The following SLC22A14 variants were observed in gnomAD, a reference collection of about 807,000 sequenced individuals.
SLC22A14 encodes organic cation transporter-like 4.
SLC22A14 carries 50 observed loss-of-function variants against 53.9 expected under a neutral mutation model. That is an observed-to-expected ratio of 0.93 (90% CI 0.74 to 1.17). The LOEUF (loss-of-function observed/expected upper bound fraction) is 1.17, where lower values mean the gene tolerates loss of function less well. Among genes scored for constraint, SLC22A14 ranks in the 50% most tolerant of loss-of-function variants. The pLI, the probability that SLC22A14 is intolerant of heterozygous loss-of-function variation, is 0.00. For missense variants in SLC22A14, 671 were observed against 734.7 expected (o/e 0.91, Z 1.00); for synonymous variants, 312 against 303.0 (o/e 1.03, Z -0.31).
chr3:38,313,681 T>TGTGTGTGTGC (rs1553644838), intron 7 of SLC22A14, 46 bp from the exon 8 acceptor site: 36 of 751,114 alleles, frequency 4.8e-5, no homozygotes, highest in South Asian at 8.2e-5. Context: ...TGGCTCCGTG[T>TGTGTGTGTGC]GTGTGCGCGC....
chr3:38,279,529 C>T (rs1200916558), upstream of SLC22A14, among the ~76,000 whole-genome samples: 2 of 152,220 alleles, frequency 1.3e-5, no homozygotes, highest in East Asian at 3.8e-4. Context: ...GATCCGCCCA[C>T]CTCGGCCTCC....
At chr3:38,291,314 G>A (rs993316383) in intron 1 of SLC22A14, among the ~76,000 whole-genome samples, 1 of 152,204 alleles carries the variant, frequency 6.6e-6, no homozygotes, top group African/African-American at 2.4e-5. Flanking sequence ...GTAGGTTTGA[G>A]CAATCACCTG....
chr3:38,291,919 A>G (rs1703922028), intron 1 of SLC22A14, among the ~76,000 whole-genome samples: 2 of 152,124 alleles, frequency 1.3e-5, no homozygotes, highest in South Asian at 2.1e-4. Flanking sequence ...ATGCCAAGGA[A>G]CTCCCTTAGT....
intron 1 of SLC22A14, among the ~76,000 whole-genome samples, chr3:38,301,767 GA>G (rs1639141401): frequency 6.6e-6 from 1 of 150,806 alleles, no homozygotes; most frequent in Admixed American, 6.6e-5. Context: ...TTGTGGAGGG[GA>G]TAGTTTTTTC....
intron 1 of SLC22A14, among the ~76,000 whole-genome samples, chr3:38,287,683 G>A (rs1332458692): frequency 6.6e-6 from 1 of 151,914 alleles, no homozygotes; most frequent in Non-Finnish European, 1.5e-5. Flanking sequence ...AATTTTCTTA[G>A]GTATTTATGC....
At position 38,313,457 on chromosome 3, in the gene SLC22A14, A is replaced by T. The variant is rs780405742; in HGVS notation, c.1135A>T (p.Lys379Ter). 4 of 1,613,420 alleles carry T rather than the reference A, an allele frequency of 2.5e-6. No homozygotes were observed. The Admixed American group carries it at 6.7e-5, about 27-fold the overall frequency. The change falls in exon 7 of 11, where the codon AAG becomes TAG. Residue 379 changes from lysine to a stop codon, truncating the protein, a stop_gained. Transcript: ENST00000448498. LOFTEE classifies it high-confidence loss of function. Reference protein sequence around the residue: ...LDFCKNRQLCKVTLVMSCVWF... With the variant: ...LDFCKNRQLC ...CTTCTGTAAGAATAGGCAGCTCTGC[A>T]AGGTGACCTTGGTGATGAGCTGTGT...
rs1355755622 is a variant in SLC22A14, at chr3:38,304,657, C to CA, written c.1-1369dup. ...TCTACCTGCCTGCACCTGCTTCTAA[C>CA]AGGAGACTGCTGAGGCTCTTCATTA... On this transcript the variant is annotated intron_variant, in intron 1 of 10. Coordinates refer to ENST00000448498, the MANE Select transcript of SLC22A14 (RefSeq NM_001320033.2). Among the ~76,000 whole-genome samples, 3 of 152,318 alleles carry CA rather than the reference C, an allele frequency of 2.0e-5. No individual in the cohort carries two copies. The East Asian group carries it at 5.8e-4, about 29-fold the overall frequency.
intron 1 of SLC22A14, among the ~76,000 whole-genome samples, chr3:38,298,469 T>C (rs1704089529): frequency 6.6e-6 from 1 of 150,466 alleles, no homozygotes; most frequent in South Asian, 2.1e-4. Context: ...TATCTATCTA[T>C]CTATCTAATC....
chr3:38,296,806 G>A (rs1197112390), intron 1 of SLC22A14, among the ~76,000 whole-genome samples: 1 of 152,210 alleles, frequency 6.6e-6, no homozygotes, highest in Non-Finnish European at 1.5e-5. Flanking sequence ...ACTTAGCTGT[G>A]CAGGAACAAT....
intron 1 of SLC22A14, chr3:38,305,771 T>C: frequency 2.0e-6 from 1 of 498,226 alleles, no homozygotes; most frequent in Non-Finnish European, 3.5e-6. Context: ...AACTTAGTCC[T>C]TCATGACAAC....
At chr3:38,315,845 A>T in intron 9 of SLC22A14, 134 bp downstream of exon 9, 2 of 921,302 alleles carry the variant, frequency 2.2e-6, no homozygotes, top group Non-Finnish European at 3.3e-6. Flanking sequence ...AAGTGATCTC[A>T]TTTAAACACC....
At chr3:38,301,115 G>A (rs140535035) in intron 1 of SLC22A14, among the ~76,000 whole-genome samples, 1 of 152,174 alleles carries the variant, frequency 6.6e-6, no homozygotes, top group African/African-American at 2.4e-5. Context: ...CACTGCACCT[G>A]GCCTCAAACA....
chr3:38,291,818 G>A (rs1037170860), intron 1 of SLC22A14, among the ~76,000 whole-genome samples: 1 of 152,206 alleles, frequency 6.6e-6, no homozygotes, highest in African/African-American at 2.4e-5. Context: ...TTACTAAATG[G>A]GTATTGGCTT....
In SLC22A14 at chr3:38,307,622, T is replaced by C. The variant is rs1407238423; in HGVS notation, c.677T>C (p.Phe226Ser). ...LSLLGLIIFG[F>S]GTAFMNSFHL... ...CTGCTGGGGCTGATCATCTTCGGCT[T>C]TGGGACAGCCTTCATGAACAGCTTT... Residue 226 changes from phenylalanine to serine, a missense_variant, in exon 4 of 11, where the codon TTT (phenylalanine) becomes TCT (serine). Physicochemically the swap from Phe to Ser is radical, Grantham distance 155. Transcript: ENST00000448498. This position sits in a 1 kb window ranked among gnomAD's most constrained non-coding sequence, Gnocchi z 4.4. 9.3e-6 allele frequency: 15 copies of C among 1,614,078 alleles called. No homozygotes were observed. In the African/African-American group the frequency reaches 1.9e-4, roughly 20 times the overall value.
intron 5 of SLC22A14, 67 bp from the exon 6 acceptor site, chr3:38,312,932 G>T: frequency 6.4e-7 from 1 of 1,552,554 alleles, no homozygotes; most frequent in Non-Finnish European, 8.7e-7. Context: ...CTGAGGCCAC[G>T]AGAGGGCCAG....
At chr3:38,313,181 C>A (rs1704520808) in intron 6 of SLC22A14, 62 bp downstream of exon 6, 1 of 1,589,920 alleles carries the variant, frequency 6.3e-7, no homozygotes, top group East Asian at 2.3e-5. Flanking sequence ...CCCCTTCCCT[C>A]CTCATCCTTT....
chr3:38,299,950 T>A (rs2036187149), intron 1 of SLC22A14, among the ~76,000 whole-genome samples: 1 of 152,242 alleles, frequency 6.6e-6, no homozygotes, highest in African/African-American at 2.4e-5. Flanking sequence ...TATTTTGTGA[T>A]ACAATCAATG....
At chr3:38,295,967 C>A (rs1157243671) in intron 1 of SLC22A14, among the ~76,000 whole-genome samples, 1 of 152,186 alleles carries the variant, frequency 6.6e-6, no homozygotes, top group Non-Finnish European at 1.5e-5. Context: ...GGGTTTATAG[C>A]CTAGATGCCT....
rs9874361 is a variant in SLC22A14, at chr3:38,302,329, T to G, written c.1-3698T>G. 9.0e-3 allele frequency among the ~76,000 whole-genome samples: 1,311 copies of G among 146,068 alleles called. 14 individuals are homozygous for G. The highest frequency in any genetic ancestry group is 0.031 in the African/African-American group (1,261 of 40,066). On this transcript the variant is annotated intron_variant, in intron 1 of 10. Coordinates refer to ENST00000448498, the MANE Select transcript of SLC22A14 (RefSeq NM_001320033.2). ...ATATATTTATATATATACATATATA[T>G]TTATATATATATTTATATTTTCTAA... is the stretch of plus-strand genomic sequence containing the variant.
Sources: allele counts gnomAD v4.1 joint callset (sites outside exome capture counted in the v4.1 genomes callset), GRCh38; gene constraint gnomAD v4.1.1; non-coding constraint Gnocchi (gnomAD v3.1); transcripts MANE v1.5; gene names NCBI Gene and HGNC (gene_info 2026-07-23, HGNC 2026-07-21).